Variants in RCOR1 observed in about 807,000 individuals in gnomAD.
RCOR1 encodes REST corepressor.
Under a neutral mutation model 64.0 loss-of-function variants are expected in RCOR1, and 12 were observed. The ratio of observed to expected loss-of-function variants is 0.19; its 90% confidence interval spans 0.12 to 0.30. The LOEUF is 0.30. Among genes scored for constraint, RCOR1 ranks in the 10% least tolerant of loss-of-function variants. The probability of loss-of-function intolerance (pLI) is 1.00; values close to 1 mark genes in which losing one functional copy is unlikely to be tolerated. For synonymous variants in RCOR1, 279 were observed against 227.2 expected (o/e 1.23, Z -2.05); for missense variants, 502 against 621.2 (o/e 0.81, Z 2.04).
At chr14:102,695,121 T>A (rs1411351718) in intron 3 of RCOR1, among the ~76,000 whole-genome samples, 3 of 152,184 alleles carry the variant, frequency 2.0e-5, no homozygotes, top group Admixed American at 6.5e-5. Flanking sequence ...TCATCTGCAT[T>A]TCTCCCTTCT....
chr14:102,704,017 T>G (rs965549375), intron 4 of RCOR1, among the ~76,000 whole-genome samples: 3 of 152,254 alleles, frequency 2.0e-5, no homozygotes, highest in Non-Finnish European at 2.9e-5. Context: ...CTGCACCCAC[T>G]CCCTTCATAT....
At chr14:102,655,298 T>G (rs1894700304) in intron 2 of RCOR1, 1 of 985,018 alleles carries the variant, frequency 1.0e-6, no homozygotes, top group Non-Finnish European at 1.2e-6. Flanking sequence ...CTACAAGGAT[T>G]CTGTTTAAAT....
intron 2 of RCOR1, among the ~76,000 whole-genome samples, chr14:102,645,827 A>T (rs996912009): frequency 6.6e-6 from 1 of 152,212 alleles, no homozygotes; most frequent in Non-Finnish European, 1.5e-5. Context: ...GCTGAAGAGT[A>T]GTGCACAGGC....
chr14:102,698,205 G>A (rs545729239), intron 3 of RCOR1, among the ~76,000 whole-genome samples: 2 of 152,348 alleles, frequency 1.3e-5, no homozygotes, highest in South Asian at 4.1e-4. Context: ...GTTGAAAATG[G>A]AGTAGCATTC....
chr14:102,662,734 T>C (rs549234852), intron 2 of RCOR1: 119 of 407,132 alleles, frequency 2.9e-4, no homozygotes, highest in Non-Finnish European at 5.0e-4. Context: ...CTGCAGCTTT[T>C]AATGTGTACA....
chr14:102,662,204 T>TA (rs981484255), intron 2 of RCOR1: 1 of 457,772 alleles, frequency 2.2e-6, no homozygotes, highest in African/African-American at 2.0e-5. Context: ...GGTGAAAAGA[T>TA]ATACATATAT....
At chr14:102,641,982 T>C (rs1413947325) in intron 2 of RCOR1, among the ~76,000 whole-genome samples, 1 of 152,170 alleles carries the variant, frequency 6.6e-6, no homozygotes, top group Admixed American at 6.5e-5. Context: ...TAAAAAAACT[T>C]GCATCATTTC....
intron 7 of RCOR1, 113 bp from the exon 8 acceptor site, chr14:102,714,310 G>A: frequency 1.6e-6 from 1 of 635,910 alleles, no homozygotes; most frequent in South Asian, 3.1e-5. Flanking sequence ...GTTCTGATAG[G>A]GCATGGTATT....
intron 2 of RCOR1, among the ~76,000 whole-genome samples, chr14:102,641,161 A>G (rs1430435019): frequency 6.6e-6 from 1 of 152,112 alleles, no homozygotes; most frequent in African/African-American, 2.4e-5. Context: ...AGGCTGAGGC[A>G]AGAGAATTGC....
rs1006997348 is a variant in RCOR1, at chr14:102,662,398, G to C, written c.362-19497G>C. ...CAGCCTGTTTGATCTGGTGCCTGTT[G>C]GCTTTAACATCTACAATGAACACAA... On this transcript the variant is annotated intron_variant, in intron 2 of 11. Transcript: ENST00000262241. 15 of 562,822 alleles carry C rather than the reference G, an allele frequency of 2.7e-5. No individual in the cohort carries two copies. In the African/African-American group the frequency reaches 2.8e-4, roughly 11 times the overall value. 34.9% of individuals were successfully genotyped at this position (562,822 alleles called of 1,614,324 possible).
intron 2 of RCOR1, among the ~76,000 whole-genome samples, chr14:102,641,601 AT>A (rs1186464519): frequency 6.6e-6 from 1 of 152,118 alleles, no homozygotes; most frequent in Non-Finnish European, 1.5e-5. Context: ...CCCTGTCTCA[AT>A]TAAAAAAAAA....
At chr14:102,695,381 C>T (rs979292174) in intron 3 of RCOR1, 1 of 43,406 alleles carries the variant, frequency 2.3e-5, no homozygotes, top group African/African-American at 9.8e-5. Context: ...AGAGATAGAA[C>T]TGTGTTGGCT....
At chr14:102,639,847 C>G (rs539096455) in intron 2 of RCOR1, among the ~76,000 whole-genome samples, 2 of 145,972 alleles carry the variant, frequency 1.4e-5, no homozygotes, top group Admixed American at 6.9e-5. Context: ...TTCATTCATT[C>G]ATTCATTCAT....
intron 4 of RCOR1, among the ~76,000 whole-genome samples, chr14:102,706,377 T>C (rs1212679849): frequency 6.6e-6 from 1 of 151,904 alleles, no homozygotes; most frequent in Admixed American, 6.6e-5. Context: ...GGGTGGAAAA[T>C]GGTATCCCAT....
chr14:102,621,300 T>G (rs1196571854), intron 2 of RCOR1, among the ~76,000 whole-genome samples: 2 of 152,022 alleles, frequency 1.3e-5, no homozygotes, highest in African/African-American at 4.8e-5. Context: ...TAATTCTTTG[T>G]AAGAACACTT....
intron 3 of RCOR1, among the ~76,000 whole-genome samples, chr14:102,697,617 C>T (rs1376835012): frequency 6.6e-6 from 1 of 151,990 alleles, no homozygotes; most frequent in Non-Finnish European, 1.5e-5. Flanking sequence ...TCACAACCTT[C>T]CGAGCACCTA....
Position 102,722,053 on chromosome 14 carries a change from A to C in RCOR1, c.1190-134A>C, listed in dbSNP as rs1007429440. The C allele has an allele frequency of 2.8e-5, 19 of 674,278 alleles. No individual in the cohort carries two copies. The East Asian group carries it at 3.3e-4, about 12-fold the overall frequency. 41.8% of individuals were successfully genotyped at this position (674,278 alleles called of 1,614,324 possible). Reference sequence around the variant, plus strand: ...TTGGCTGGTACTTTTTCCTACTCTAATAATACACGAAATTATTGCCTGCTG... The same window carrying C: ...TTGGCTGGTACTTTTTCCTACTCTACTAATACACGAAATTATTGCCTGCTG... On this transcript the variant is annotated intron_variant, in intron 10 of 11. Coordinates refer to ENST00000262241, the MANE Select transcript of RCOR1 (RefSeq NM_015156.4).
intron 7 of RCOR1, among the ~76,000 whole-genome samples, chr14:102,712,398 C>T (rs945710122): frequency 6.6e-6 from 1 of 151,890 alleles, no homozygotes; most frequent in African/African-American, 2.4e-5. Context: ...TCATGTTGGC[C>T]AGGCTGGACC....
chr14:102,625,855 C>T (rs1893970074), intron 2 of RCOR1, among the ~76,000 whole-genome samples: 1 of 152,070 alleles, frequency 6.6e-6, no homozygotes, highest in Admixed American at 6.6e-5. Context: ...TGATATTCTT[C>T]CCAGAGCCGC....
Sources: allele counts gnomAD v4.1 joint callset (sites outside exome capture counted in the v4.1 genomes callset), GRCh38; gene constraint gnomAD v4.1.1; transcripts MANE v1.5; gene names NCBI Gene and HGNC (gene_info 2026-07-23, HGNC 2026-07-21).